FOXN1: variants seen among roughly 807,000 people sequenced by gnomAD.
FOXN1 encodes forkhead box protein N1.
Under a neutral mutation model 49.0 loss-of-function variants are expected in FOXN1, and 15 were observed. That is an observed-to-expected ratio of 0.31 (90% CI 0.20 to 0.47). FOXN1 has a LOEUF of 0.47. Among genes scored for constraint, FOXN1 ranks in the 20% least tolerant of loss-of-function variants. The pLI, the probability that FOXN1 is intolerant of heterozygous loss-of-function variation, is 1.00. For missense variants in FOXN1, 800 were observed against 842.8 expected, an observed-to-expected ratio of 0.95 and a Z score of 0.63; for synonymous variants, 356 against 369.0, an observed-to-expected ratio of 0.96 and a Z score of 0.40.
chr17:28,509,767 A>G (rs2069349181), intron 1 of FOXN1, among the ~76,000 whole-genome samples: 1 of 152,256 alleles, frequency 6.6e-6, no homozygotes, highest in South Asian at 2.1e-4. Flanking sequence ...AGACACCCTC[A>G]TAGAGCCCCA....
Position 28,537,638 on chromosome 17 carries a change from G to T in FOXN1, c.*202G>T, listed in dbSNP as rs1221343617. 3 of 634,634 alleles carry T rather than the reference G, an allele frequency of 4.7e-6. No individual in the cohort carries two copies. The highest frequency in any genetic ancestry group is 8.6e-6 in the Non-Finnish European group (3 of 349,086). The allele number at this position is 634,634 out of a possible 1,614,324, so 39.3% of individuals were successfully genotyped here. A position where few individuals can be genotyped will look rare whatever the true frequency, so the allele number is the denominator to read the frequency against. Reference sequence around the variant, plus strand: ...TGCCTCTCACACATTTCTGCCACGTGGTGGCCCAGCTCCTCACCCAGGGCC... The same window carrying T: ...TGCCTCTCACACATTTCTGCCACGTTGTGGCCCAGCTCCTCACCCAGGGCC... On this transcript the variant is annotated 3_prime_UTR_variant, in exon 9 of 9. Transcript: ENST00000579795.
chr17:28,515,076 G>A (rs1254211831), intron 1 of FOXN1, among the ~76,000 whole-genome samples: 4 of 152,104 alleles, frequency 2.6e-5, no homozygotes, highest in Admixed American at 2.6e-4. Context: ...TATAAAATGG[G>A]ATGATAATAC....
intron 1 of FOXN1, 83 bp from the exon 2 acceptor site, chr17:28,523,872 TG>T: frequency 8.1e-7 from 1 of 1,231,152 alleles, no homozygotes. Context: ...AGCCCAAGGA[TG>T]GGGTTGGGGT....
At position 28,525,983 on chromosome 17, in the gene FOXN1, G is replaced by A. The variant is rs1042546724; in HGVS notation, c.588+1016G>A. 2.6e-5 allele frequency among the ~76,000 whole-genome samples: 4 copies of A among 152,228 alleles called. No individual in the cohort carries two copies. The South Asian group carries it at 8.3e-4, about 32-fold the overall frequency. Reference sequence around the variant, plus strand: ...TTCTGCCAGGTGCTTTCTTTCAAGTGCCCCCATTTAATCCCCTCAACAACA... The same window carrying A: ...TTCTGCCAGGTGCTTTCTTTCAAGTACCCCCATTTAATCCCCTCAACAACA... On this transcript the variant is annotated intron_variant, in intron 3 of 8. Transcript: ENST00000579795.
chr17:28,535,281 A>G, intron 8 of FOXN1, 83 bp downstream of exon 8: 1 of 1,469,598 alleles, frequency 6.8e-7, no homozygotes, highest in East Asian at 2.3e-5. Context: ...CCAAGTCTCC[A>G]GACTGCAGCC....
chr17:28,536,952 G>A (rs2070080949), intron 8 of FOXN1, among the ~76,000 whole-genome samples, 165 bp from the exon 9 acceptor site: 1 of 152,098 alleles, frequency 6.6e-6, no homozygotes, highest in African/African-American at 2.4e-5. Flanking sequence ...AGGCTGAGAG[G>A]TTCAGCAACT....
intron 1 of FOXN1, among the ~76,000 whole-genome samples, chr17:28,514,650 C>T (rs1173024200): frequency 6.6e-6 from 1 of 152,136 alleles, no homozygotes; most frequent in Non-Finnish European, 1.5e-5. Flanking sequence ...GCCGGCCGAG[C>T]CCCACCCCTC....
At position 28,527,293 on chromosome 17, in the gene FOXN1, G is replaced by A; in HGVS notation, c.631G>A (p.Ala211Thr). 15 of 1,614,064 alleles carry A rather than the reference G, an allele frequency of 9.3e-6. No individual in the cohort carries two copies. Among genetic ancestry groups the A allele is most frequent in the Non-Finnish European group, 1.3e-5 (15 of 1,179,926 alleles). Residue 211 changes from alanine to threonine, a missense_variant, in exon 4 of 9, where the codon GCT becomes ACT. Physicochemically the swap from Ala to Thr is moderately conservative, Grantham distance 58. This residue lies in a region of FOXN1 where 383 missense variants were observed against 357.9 expected (regional missense o/e 1.07). Coordinates refer to ENST00000579795, the MANE Select transcript of FOXN1 (RefSeq NM_001369369.1). ...KVKPPVLESG[A>T]GMFCYQPPLQ... is the part of the protein sequence containing the mutation. ...CAAGCCCCCAGTTCTGGAGAGTGGT[G>A]CTGGGATGTTCTGCTACCAGCCTCC... is the stretch of plus-strand genomic sequence containing the variant.
At chr17:28,506,671 C>T (rs1004245328) in intron 1 of FOXN1, among the ~76,000 whole-genome samples, 2 of 152,246 alleles carry the variant, frequency 1.3e-5, no homozygotes, top group African/African-American at 4.8e-5. Flanking sequence ...ACTTTAATCC[C>T]TCTTGCTGTG....
chr17:28,513,518 CATCT>C (rs1481562785), intron 1 of FOXN1, among the ~76,000 whole-genome samples: 1 of 152,248 alleles, frequency 6.6e-6, no homozygotes, highest in African/African-American at 2.4e-5. Context: ...TACATAAATA[CATCT>C]ATCTATCCAC....
At position 28,537,103 on chromosome 17, in the gene FOXN1, C is replaced by G; in HGVS notation, c.1628-14C>G. The G allele has an allele frequency of 2.5e-6, 4 of 1,611,842 alleles. No individual in the cohort carries two copies. Among genetic ancestry groups the G allele is most frequent in the East Asian group, 2.2e-5 (1 of 44,874 alleles). On this transcript the variant is annotated splice_polypyrimidine_tract_variant and intron_variant, in intron 8 of 8. Transcript: ENST00000579795. ...TGCCTCCCAGTGACACCTGTTCTCTCCTTCCCCATCTAGGAAACCTGTGGG... is the reference window on the plus strand; with the variant it reads ...TGCCTCCCAGTGACACCTGTTCTCTGCTTCCCCATCTAGGAAACCTGTGGG...
At chr17:28,533,903 C>T (rs542072309) in intron 6 of FOXN1, among the ~76,000 whole-genome samples, 168 of 152,272 alleles carry the variant, frequency 1.1e-3, no homozygotes, top group Non-Finnish European at 2.0e-3. Context: ...CTGTCTAAAG[C>T]CAGCCACAAG....
intron 3 of FOXN1, among the ~76,000 whole-genome samples, chr17:28,526,706 G>A (rs989662735): frequency 3.9e-5 from 6 of 152,180 alleles, no homozygotes; most frequent in Non-Finnish European, 8.8e-5. Flanking sequence ...GGAGTTACTA[G>A]CCCCATTCAG....
At position 28,535,118 on chromosome 17, in the gene FOXN1, A is replaced by G. The variant is rs189886792; in HGVS notation, c.1547A>G (p.His516Arg). Reference protein sequence around the residue: ...LAEPSPARTMHDTLLPDGDLG... With the variant: ...LAEPSPARTMRDTLLPDGDLG... The stretch of plus-strand genomic sequence containing the variant: ...GAGCCTTCCCCAGCCAGGACTATGC[A>G]CGACACCCTGCTGCCAGATGGAGAC... Residue 516 changes from histidine to arginine, a missense_variant, in exon 8 of 9, where the codon CAC (histidine) becomes CGC (arginine). His to Arg is a conservative substitution (Grantham distance 29, BLOSUM62 0). This residue lies in a region of FOXN1 where 344 missense variants were observed against 366.1 expected (regional missense o/e 0.94). Coordinates refer to ENST00000579795, the MANE Select transcript of FOXN1 (RefSeq NM_001369369.1). The G allele has an allele frequency of 2.5e-6, 4 of 1,609,100 alleles. No individual in the cohort carries two copies. In the African/African-American group the frequency reaches 5.3e-5, roughly 21 times the overall value.
intron 1 of FOXN1, among the ~76,000 whole-genome samples, chr17:28,519,928 C>T (rs2069605935): frequency 6.6e-6 from 1 of 152,104 alleles, no homozygotes; most frequent in African/African-American, 2.4e-5. Flanking sequence ...CTGATGCTCC[C>T]GATCCCCCCA....
intron 3 of FOXN1, 52 bp downstream of exon 3, chr17:28,525,019 A>G (rs1392762522): frequency 7.2e-7 from 1 of 1,396,140 alleles, no homozygotes; most frequent in Admixed American, 1.8e-5. Flanking sequence ...CCCAGTTCCT[A>G]GCAGCCTAGA....
chr17:28,527,871 C>T (rs1395777302), intron 4 of FOXN1, among the ~76,000 whole-genome samples: 1 of 152,250 alleles, frequency 6.6e-6, no homozygotes, highest in Non-Finnish European at 1.5e-5. Context: ...TCCCCATCAT[C>T]TTCAGCCCTT....
chr17:28,530,198 T>C (rs942626852), intron 5 of FOXN1, among the ~76,000 whole-genome samples: 1 of 151,824 alleles, frequency 6.6e-6, no homozygotes, highest in African/African-American at 2.4e-5. Context: ...AAAATAAAAA[T>C]ATAAGACTTT....
At chr17:28,510,570 GCACACACACGCA>G (rs2069371087) in intron 1 of FOXN1, among the ~76,000 whole-genome samples, 1 of 79,424 alleles carries the variant, frequency 1.3e-5, no homozygotes, top group Admixed American at 1.4e-4. Flanking sequence ...ACACACACAC[GCACACACACGCA>G]CACACACACA....
Sources: allele counts gnomAD v4.1 joint callset (sites outside exome capture counted in the v4.1 genomes callset), GRCh38; gene constraint gnomAD v4.1.1; regional missense constraint gnomAD v4.1.1; transcripts MANE v1.5; gene names NCBI Gene and HGNC (gene_info 2026-07-23, HGNC 2026-07-21).